The following CCDC63 variants were observed in gnomAD, a reference collection of about 807,000 sequenced individuals.
The protein encoded by CCDC63 is coiled-coil domain-containing protein 63.
In CCDC63, 54 loss-of-function variants were observed where a neutral mutation model predicts 63.6. The ratio of observed to expected loss-of-function variants is 0.85; its 90% CI spans 0.68 to 1.07. The LOEUF (loss-of-function observed/expected upper bound fraction) is 1.07. Ranked by LOEUF, CCDC63 falls within the 50% of genes least tolerant of loss-of-function variation. CCDC63 has a pLI of 0.00. For missense variants in CCDC63, 637 were observed against 689.6 expected (o/e 0.92, Z 0.86); for synonymous variants, 253 against 266.1 (o/e 0.95, Z 0.48).
At chr12:110,886,126 C>T (rs1379383184) in intron 8 of CCDC63, among the ~76,000 whole-genome samples, 1 of 152,168 alleles carries the variant, frequency 6.6e-6, no homozygotes, top group Non-Finnish European at 1.5e-5. Context: ...GTGGCTCACA[C>T]CTGTAATCGC....
Position 110,853,553 on chromosome 12 carries a change from A to C in CCDC63, c.158A>C (p.Gln53Pro). The change falls in exon 3 of 12, where the codon CAG (glutamine) becomes CCG (proline). Residue 53 changes from glutamine to proline, a missense_variant. Physicochemically the swap from Gln to Pro is moderately conservative, Grantham distance 76. Transcript: ENST00000308208. ...ESRKSFKFRN[Q>P]QKIASQYKEI... Reference sequence around the variant, plus strand: ...CGGAAGTCTTTTAAGTTCCGAAACCAGCAGAAGATTGCGAGTCAGTAGTAA... The same window carrying C: ...CGGAAGTCTTTTAAGTTCCGAAACCCGCAGAAGATTGCGAGTCAGTAGTAA... 1 of 1,614,212 alleles carries C rather than the reference A, an allele frequency of 6.2e-7. No homozygotes were observed. The highest frequency in any genetic ancestry group is 8.5e-7 in the Non-Finnish European group (1 of 1,180,040).
chr12:110,896,833 G>A (rs2071420637), intron 9 of CCDC63, among the ~76,000 whole-genome samples: 1 of 152,200 alleles, frequency 6.6e-6, no homozygotes, highest in African/African-American at 2.4e-5. Context: ...CAACAGGCTG[G>A]CAGAGCTTCT....
intron 10 of CCDC63, among the ~76,000 whole-genome samples, chr12:110,902,444 C>T (rs2071500604): frequency 6.6e-6 from 1 of 152,132 alleles, no homozygotes; most frequent in African/African-American, 2.4e-5. Flanking sequence ...TACCTTGGGG[C>T]CTTTGCACAG....
chr12:110,862,088 G>GT (rs1265606095), intron 4 of CCDC63, among the ~76,000 whole-genome samples: 2 of 152,152 alleles, frequency 1.3e-5, no homozygotes, highest in African/African-American at 4.8e-5. Flanking sequence ...CAGAGCAGGT[G>GT]TTTAATAAAC....
chr12:110,902,954 C>T lies in CCDC63; in HGVS notation c.1343-1634C>T, dbSNP rs181002592. Among the ~76,000 whole-genome samples, 531 of 151,342 alleles carry T rather than the reference C, an allele frequency of 3.5e-3. 3 individuals carry two copies. The highest frequency in any genetic ancestry group is 0.013 in the African/African-American group (523 of 41,182). On this transcript the variant is annotated intron_variant, in intron 10 of 11. Transcript: ENST00000308208. ...CTGGAGTGCAGTGATACAATCTTGG[C>T]TCACTGCAGCCTCTGCCTCCCAGGT...
intron 10 of CCDC63, among the ~76,000 whole-genome samples, chr12:110,903,858 C>A (rs2071522506): frequency 6.6e-6 from 1 of 152,204 alleles, no homozygotes; most frequent in Non-Finnish European, 1.5e-5. Flanking sequence ...AAACAGAGAA[C>A]ACTGGGGCAA....
At chr12:110,902,823 T>C (rs1162007752) in intron 10 of CCDC63, among the ~76,000 whole-genome samples, 1 of 151,978 alleles carries the variant, frequency 6.6e-6, no homozygotes, top group Non-Finnish European at 1.5e-5. Flanking sequence ...GTTCAAGTGA[T>C]TCCCCTGCCT....
At chr12:110,888,388 C>T (rs1430103934) in intron 8 of CCDC63, among the ~76,000 whole-genome samples, 1 of 152,190 alleles carries the variant, frequency 6.6e-6, no homozygotes, top group East Asian at 1.9e-4. Context: ...TTTCCCCACT[C>T]CTCATAAGGG....
chr12:110,887,495 T>G (rs2071299050), intron 8 of CCDC63, among the ~76,000 whole-genome samples: 1 of 151,872 alleles, frequency 6.6e-6, no homozygotes, highest in African/African-American at 2.4e-5. Context: ...GAGGAAACAC[T>G]GGTACATAAA....
intron 10 of CCDC63, among the ~76,000 whole-genome samples, chr12:110,899,858 T>C (rs12827472): frequency 6.6e-6 from 1 of 152,048 alleles, no homozygotes; most frequent in Admixed American, 6.6e-5. Flanking sequence ...AAAAGAAAAC[T>C]CTCGGCAAAC....
intron 11 of CCDC63, among the ~76,000 whole-genome samples, chr12:110,906,283 G>C (rs1224325031): frequency 7.2e-6 from 1 of 139,746 alleles, no homozygotes; most frequent in Admixed American, 8.2e-5. Flanking sequence ...GAGGGGGAGG[G>C]AGAGGGAGAG....
intron 8 of CCDC63, among the ~76,000 whole-genome samples, chr12:110,886,563 A>G (rs895871349): frequency 1.3e-5 from 2 of 152,146 alleles, no homozygotes; most frequent in African/African-American, 4.8e-5. Flanking sequence ...GAATGAGGAT[A>G]TGGCTGCCTG....
intron 10 of CCDC63, among the ~76,000 whole-genome samples, chr12:110,899,691 T>G (rs1257514664): frequency 8.9e-6 from 1 of 111,904 alleles, no homozygotes; most frequent in African/African-American, 3.9e-5. Context: ...TAATGCCTTC[T>G]TTTTTTTTTT....
chr12:110,888,786 TTTCCTTCCTTCC>T (rs539750683), intron 8 of CCDC63, among the ~76,000 whole-genome samples: 10,664 of 85,360 alleles, frequency 0.12, 731 homozygotes, highest in East Asian at 0.26. Flanking sequence ...TTGGTCCTTC[TTTCCTTCCTTCC>T]TTCCTTCCTT....
At chr12:110,850,585 T>C (rs2070693936) in intron 1 of CCDC63, among the ~76,000 whole-genome samples, 1 of 152,040 alleles carries the variant, frequency 6.6e-6, no homozygotes, top group Non-Finnish European at 1.5e-5. Flanking sequence ...CTACTAAAAA[T>C]ACAAAATTAG....
intron 3 of CCDC63, among the ~76,000 whole-genome samples, chr12:110,857,659 T>C (rs2070791431): frequency 6.6e-6 from 1 of 152,198 alleles, no homozygotes; most frequent in Admixed American, 6.6e-5. Flanking sequence ...CATCTCCCCT[T>C]GTTCCATTGT....
At chr12:110,850,764 AAAAT>A (rs2070696106) in intron 1 of CCDC63, among the ~76,000 whole-genome samples, 1 of 152,146 alleles carries the variant, frequency 6.6e-6, no homozygotes, top group Non-Finnish European at 1.5e-5. Flanking sequence ...TAAATAAATA[AAAAT>A]AAAGAGCAGC....
At chr12:110,904,338 CA>C (rs112819975) in intron 10 of CCDC63, among the ~76,000 whole-genome samples, 124 of 116,944 alleles carry the variant, frequency 1.1e-3, no homozygotes, top group Middle Eastern at 4.6e-3. Context: ...CAGACCTTGT[CA>C]AAAAAAAAAA....
At chr12:110,881,626 G>A (rs181046543) in intron 7 of CCDC63, among the ~76,000 whole-genome samples, 4 of 152,056 alleles carry the variant, frequency 2.6e-5, no homozygotes, top group Non-Finnish European at 4.4e-5. Context: ...GGAAGCTGAG[G>A]CAGGAGAATC....
Sources: allele counts gnomAD v4.1 joint callset (sites outside exome capture counted in the v4.1 genomes callset), GRCh38; gene constraint gnomAD v4.1.1; transcripts MANE v1.5; gene names NCBI Gene and HGNC (gene_info 2026-07-23, HGNC 2026-07-21).